The following KAZN variants were observed in gnomAD, a reference collection of about 807,000 sequenced individuals.
KAZN encodes the protein kazrin, periplakin interacting protein.
A neutral mutation model predicts 87.4 loss-of-function variants in KAZN; 40 were observed. That is an observed-to-expected ratio of 0.46 (90% CI 0.36 to 0.60). The LOEUF (loss-of-function observed/expected upper bound fraction) is 0.60. Among genes scored for constraint, KAZN ranks in the 20% least tolerant of loss-of-function variants. The pLI is 0.00. For missense variants in KAZN, 898 were observed against 1,073.9 expected, an observed-to-expected ratio of 0.84 and a Z score of 2.29; for synonymous variants, 466 against 458.3, an observed-to-expected ratio of 1.02 and a Z score of -0.22.
rs1023170799 is a variant in KAZN at position 13,905,769 on chromosome 1, A to AT, written c.91+12022dup. Among the ~76,000 whole-genome samples, 15 of 151,866 alleles carry AT rather than the reference A, an allele frequency of 9.9e-5. No homozygotes were observed. In the South Asian group the frequency reaches 1.7e-3, roughly 17 times the overall value. On this transcript the variant is annotated intron_variant, in intron 1 of 16. Coordinates refer to the KAZN transcript ENST00000636203. ...TATCACTCTGGTTTTCAGTTTTGTA[A>AT]TTTTTTTTTGTTAGTTTGTTTTGTG... is the stretch of plus-strand genomic sequence containing the variant.
At chr1:14,063,727 G>T (rs574956288) in intron 1 of KAZN, among the ~76,000 whole-genome samples, 1 of 152,304 alleles carries the variant, frequency 6.6e-6, no homozygotes, top group East Asian at 1.9e-4. Context: ...CATGTGTCAA[G>T]GGTGGGGCCA....
intron 1 of KAZN, among the ~76,000 whole-genome samples, chr1:13,996,814 TC>T (rs1201666021): frequency 2.6e-5 from 4 of 151,746 alleles, no homozygotes; most frequent in Non-Finnish European, 5.9e-5. Flanking sequence ...TGAGTGGGTT[TC>T]CCCCCAAGCG....
intron 14 of KAZN, chr1:15,113,382 T>C (rs1355221184): frequency 2.0e-5 from 3 of 152,154 alleles, no homozygotes; most frequent in African/African-American, 4.8e-5. Context: ...CATTACAATT[T>C]CACAGCAGGG....
intron 1 of KAZN, among the ~76,000 whole-genome samples, chr1:14,108,872 G>A (rs1443902539): frequency 1.3e-5 from 2 of 152,136 alleles, no homozygotes; most frequent in Non-Finnish European, 2.9e-5. Flanking sequence ...ACACAGCTAC[G>A]CCTGTGCCAA....
intron 2 of KAZN, among the ~76,000 whole-genome samples, chr1:14,561,040 CA>C (rs776292205): frequency 1.4e-4 from 22 of 152,158 alleles, no homozygotes; most frequent in Non-Finnish European, 2.8e-4. Flanking sequence ...CTCTCTGCAT[CA>C]ACTCCTGAGT....
rs575310146 is a variant in KAZN at position 14,219,236 on chromosome 1, G to A, written c.249+38644G>A. ...AAACTGTAAAGGAAAGCTCAGAAGCGATTGCCATAAAAGTGAGGACAAAGA... is the reference window on the plus strand; with the variant it reads ...AAACTGTAAAGGAAAGCTCAGAAGCAATTGCCATAAAAGTGAGGACAAAGA... On this transcript the variant is annotated intron_variant, in intron 2 of 16. Coordinates refer to the KAZN transcript ENST00000636203. Among the ~76,000 whole-genome samples the A allele has an allele frequency of 9.9e-5, 15 of 152,228 alleles. No homozygotes were observed. In the East Asian group the frequency reaches 1.5e-3, roughly 16 times the overall value.
chr1:14,225,290 C>T (rs1647222905), intron 2 of KAZN, among the ~76,000 whole-genome samples: 1 of 151,738 alleles, frequency 6.6e-6, no homozygotes. Context: ...ACCATAATCC[C>T]ATTCATAAAA....
At chr1:14,778,871 G>C (rs1382783253) in intron 1 of KAZN, among the ~76,000 whole-genome samples, 2 of 152,214 alleles carry the variant, frequency 1.3e-5, no homozygotes, top group Non-Finnish European at 1.5e-5. Flanking sequence ...GAACTTTCAT[G>C]AGACTGCATT....
At chr1:14,531,296 A>G (rs1465936981) in intron 2 of KAZN, among the ~76,000 whole-genome samples, 1 of 152,222 alleles carries the variant, frequency 6.6e-6, no homozygotes, top group Non-Finnish European at 1.5e-5. Flanking sequence ...AGATCAAAAC[A>G]GTCATAGAAT....
At chr1:14,454,602 T>C (rs995333378) in intron 2 of KAZN, among the ~76,000 whole-genome samples, 3 of 152,212 alleles carry the variant, frequency 2.0e-5, no homozygotes, top group Non-Finnish European at 2.9e-5. Context: ...GCCTTTACCA[T>C]AGTTAGTGAG....
At chr1:14,514,611 A>G (rs1180764422) in intron 2 of KAZN, among the ~76,000 whole-genome samples, 2 of 39,038 alleles carry the variant, frequency 5.1e-5, no homozygotes, top group African/African-American at 1.2e-4. Flanking sequence ...ATATATATAT[A>G]TATATATATA....
intron 1 of KAZN, among the ~76,000 whole-genome samples, chr1:14,043,391 G>A (rs536824445): frequency 9.2e-5 from 14 of 152,274 alleles, no homozygotes; most frequent in South Asian, 2.1e-4. Context: ...TAATTATGCC[G>A]TAAACGTGGG....
intron 2 of KAZN, among the ~76,000 whole-genome samples, chr1:14,507,585 A>G (rs986684755): frequency 6.6e-6 from 1 of 152,190 alleles, no homozygotes; most frequent in Non-Finnish European, 1.5e-5. Context: ...AACAGAGTGC[A>G]TATAAGATTT....
At position 13,895,558 on chromosome 1, in the gene KAZN, GAATCATTAACCTTAA is replaced by G. The variant is rs544325997; in HGVS notation, c.91+1803_91+1817del. On this transcript the variant is annotated intron_variant, in intron 1 of 16. Coordinates refer to the KAZN transcript ENST00000636203. Reference sequence around the variant, plus strand: ...ACTCTCCCTGAAGAAACGCAAAGAGGAATCATTAACCTTAAGTCAAAAGAGCTCACTCAATTAGGA... The same window carrying G: ...ACTCTCCCTGAAGAAACGCAAAGAGGGTCAAAAGAGCTCACTCAATTAGGA... 3.8e-3 allele frequency among the ~76,000 whole-genome samples: 572 copies of G among 152,188 alleles called. 4 individuals are homozygous for G. Among genetic ancestry groups the G allele is most frequent in the Middle Eastern group, 0.037 (11 of 294 alleles).
intron 1 of KAZN, among the ~76,000 whole-genome samples, chr1:14,919,227 A>G (rs1658228570): frequency 6.6e-6 from 1 of 152,080 alleles, no homozygotes; most frequent in African/African-American, 2.4e-5. Context: ...GCCAGGCTGG[A>G]GTGCAGTGGC....
chr1:14,082,073 C>A (rs1437854055), intron 1 of KAZN, among the ~76,000 whole-genome samples: 1 of 152,202 alleles, frequency 6.6e-6, no homozygotes, highest in African/African-American at 2.4e-5. Flanking sequence ...CTATGCCCAG[C>A]CCACTCTGTT....
intron 1 of KAZN, among the ~76,000 whole-genome samples, chr1:14,086,976 T>A (rs1248779837): frequency 6.6e-6 from 1 of 152,182 alleles, no homozygotes; most frequent in Non-Finnish European, 1.5e-5. Flanking sequence ...GGCCTCCAAC[T>A]TTTTCTTTTT....
At chr1:14,730,246 G>C (rs1643616807) in intron 1 of KAZN, among the ~76,000 whole-genome samples, 1 of 152,132 alleles carries the variant, frequency 6.6e-6, no homozygotes. Context: ...ACCATGCCCA[G>C]CTAATTTTTG....
At chr1:14,740,304 G>T (rs944922506) in intron 1 of KAZN, among the ~76,000 whole-genome samples, 1 of 152,198 alleles carries the variant, frequency 6.6e-6, no homozygotes, top group Non-Finnish European at 1.5e-5. Flanking sequence ...TGGGCAGGAC[G>T]CCTCTAAACC....
Sources: allele counts gnomAD v4.1 joint callset (sites outside exome capture counted in the v4.1 genomes callset), GRCh38; gene constraint gnomAD v4.1.1; transcripts MANE v1.5; gene names NCBI Gene and HGNC (gene_info 2026-07-23, HGNC 2026-07-21).